The following UBR1 variants were observed in gnomAD, a reference collection of about 807,000 sequenced individuals.
UBR1 encodes ubiquitin protein ligase E3 component n-recognin 1, also known as E3 ubiquitin-protein ligase UBR1.
In UBR1, 102 loss-of-function variants were observed where a neutral mutation model predicts 242.1. The ratio of observed to expected loss-of-function variants is 0.42; its 90% CI spans 0.36 to 0.50. The LOEUF (loss-of-function observed/expected upper bound fraction) is 0.50, where lower values mean the gene tolerates loss of function less well. UBR1 is among the 20% of genes least tolerant of loss of function. The pLI is 0.01. For missense variants in UBR1, 1,772 were observed against 2,101.8 expected, an observed-to-expected ratio of 0.84 and a Z score of 3.07; for synonymous variants, 675 against 684.8, an observed-to-expected ratio of 0.99 and a Z score of 0.22.
intron 30 of UBR1, among the ~76,000 whole-genome samples, chr15:43,004,484 T>G (rs370692534): frequency 3.9e-5 from 6 of 152,202 alleles, no homozygotes; most frequent in Admixed American, 3.3e-4. Flanking sequence ...CCCTGCCTGA[T>G]TCTCCTGCCT....
Position 43,087,242 on chromosome 15 carries a change from A to G in UBR1, c.82-1002T>C, listed in dbSNP as rs537633839. Among the ~76,000 whole-genome samples, 24 of 152,146 alleles carry G rather than the reference A, an allele frequency of 1.6e-4. No homozygotes were observed. The South Asian group carries it at 4.6e-3, about 29-fold the overall frequency. ...AACACAGTGAAACCCCGCCTCTACTAAAAATACAAAAAATTAGCCAGGCGT... is the reference window on the plus strand; with the variant it reads ...AACACAGTGAAACCCCGCCTCTACTGAAAATACAAAAAATTAGCCAGGCGT... On this transcript the variant is annotated intron_variant, in intron 1 of 46. Coordinates refer to ENST00000290650, the MANE Select transcript of UBR1 (RefSeq NM_174916.3).
At chr15:42,980,589 TATCCATCCATCCATCCATCC>T (rs111388433) in intron 37 of UBR1, among the ~76,000 whole-genome samples, 1 of 151,492 alleles carries the variant, frequency 6.6e-6, no homozygotes, top group Non-Finnish European at 1.5e-5. Flanking sequence ...CCTATCTATC[TATCCATCCATCCATCCATCC>T]ATCCATCCAT....
chr15:42,964,073 G>A (rs1308393508), intron 41 of UBR1, 30 bp from the exon 42 acceptor site: 1 of 1,447,802 alleles, frequency 6.9e-7, no homozygotes, highest in Admixed American at 1.7e-5. Context: ...CATTTAATAA[G>A]CACATTATTC....
rs768691069 is a variant in UBR1, at chr15:43,086,133, C to T, written c.189G>A (p.Glu63=). The T allele has an allele frequency of 8.1e-6, 13 of 1,613,954 alleles. No homozygotes were observed. The highest frequency in any genetic ancestry group is 1.1e-5 in the Non-Finnish European group (13 of 1,179,990). ...TGAATATTGACATTTGTACACTTTCCTCCTGCTTTTCCAAGTCTGGGTCCA... is the reference window on the plus strand; with the variant it reads ...TGAATATTGACATTTGTACACTTTCTTCCTGCTTTTCCAAGTCTGGGTCCA... ...AEMDPDLEKQ[E]ESVQMSIFTP... is the part of the protein sequence containing the mutation. Residue 63 remains glutamate, a synonymous_variant, in exon 2 of 47, where the codon GAG becomes GAA. Coordinates refer to ENST00000290650, the MANE Select transcript of UBR1 (RefSeq NM_174916.3).
In UBR1 at chr15:43,087,001, A is replaced by G. The variant is rs559637350; in HGVS notation, c.82-761T>C. Among the ~76,000 whole-genome samples the G allele has an allele frequency of 2.6e-4, 40 of 152,290 alleles. No individual in the cohort carries two copies. The South Asian group carries it at 7.9e-3, about 30-fold the overall frequency. On this transcript the variant is annotated intron_variant, in intron 1 of 46. Coordinates refer to ENST00000290650, the MANE Select transcript of UBR1 (RefSeq NM_174916.3). ...TTCAGCCTCGACAACACATAGGGAG[A>G]CCCTGTCTCTTAAAAAACAAACAAA... is the stretch of plus-strand genomic sequence containing the variant.
Position 43,048,501 on chromosome 15 carries a change from CAAGA to C in UBR1, c.1440-14_1440-11del, listed in dbSNP as rs770343807. The C allele has an allele frequency of 1.9e-5, 31 of 1,591,142 alleles. No homozygotes were observed. The highest frequency in any genetic ancestry group is 2.5e-5 in the Non-Finnish European group (29 of 1,160,132). ...GCTGATCAGGATATACCTATCGTTT[CAAGA>C]AAGAAAGAAATATTTCATTTATCTA... On this transcript the variant is annotated splice_polypyrimidine_tract_variant and intron_variant, in intron 12 of 46. Coordinates refer to ENST00000290650, the MANE Select transcript of UBR1 (RefSeq NM_174916.3).
intron 46 of UBR1, among the ~76,000 whole-genome samples, 159 bp from the exon 47 acceptor site, chr15:42,945,629 C>T (rs1359477959): frequency 2.1e-4 from 31 of 145,032 alleles, no homozygotes; most frequent in Non-Finnish European, 3.1e-5. Context: ...CCATTGATCA[C>T]TAAGAACTTG....
chr15:43,060,246 G>A (rs895956218), intron 6 of UBR1, 132 bp from the exon 7 acceptor site: 10 of 857,352 alleles, frequency 1.2e-5, no homozygotes, highest in Admixed American at 5.3e-5. Context: ...GTAAGATACC[G>A]GAACAATATC....
chr15:43,037,670 A>G, intron 17 of UBR1, 103 bp downstream of exon 17: 3 of 932,912 alleles, frequency 3.2e-6, no homozygotes, highest in South Asian at 2.8e-5. Flanking sequence ...GAGAATAGTA[A>G]CATACACTCA....
intron 29 of UBR1, among the ~76,000 whole-genome samples, chr15:43,014,246 C>G (rs1291025781): frequency 2.0e-5 from 3 of 152,246 alleles, no homozygotes; most frequent in Non-Finnish European, 4.4e-5. Context: ...CTCCACCTCC[C>G]AGCCGCCTGC....
In UBR1 at chr15:43,070,851, G is replaced by A. The variant is rs372941665; in HGVS notation, c.603C>T (p.Val201=). The change falls in exon 5 of 47, where the codon GTC becomes GTT. Residue 201 remains valine (V), a synonymous_variant. Transcript: ENST00000290650. ...RKIFPSVIKY[V]VEMTIWEEEK... ...CCTCTTCCCATATAGTCATTTCTAC[G>A]ACATATTTTATCACTGAAGGAAATA... is the stretch of plus-strand genomic sequence containing the variant. 20 of 1,613,414 alleles carry A rather than the reference G, an allele frequency of 1.2e-5. No individual in the cohort carries two copies. The highest frequency in any genetic ancestry group is 4.0e-5 in the African/African-American group (3 of 74,826).
chr15:43,059,963 C>T (rs778103847), intron 7 of UBR1, 89 bp downstream of exon 7: 41 of 1,557,170 alleles, frequency 2.6e-5, no homozygotes, highest in Middle Eastern at 1.7e-4. Context: ...ACCACTTCAA[C>T]GACATCATCA....
At chr15:43,022,498 G>T (rs939284873) in intron 26 of UBR1, among the ~76,000 whole-genome samples, 4 of 151,540 alleles carry the variant, frequency 2.6e-5, no homozygotes, top group Admixed American at 2.6e-4. Context: ...TATAGTAAGG[G>T]ATTAAAAAAT....
intron 36 of UBR1, among the ~76,000 whole-genome samples, chr15:42,984,537 A>G (rs2032430581): frequency 6.6e-6 from 1 of 152,250 alleles, no homozygotes; most frequent in Non-Finnish European, 1.5e-5. Flanking sequence ...TGATTCATCC[A>G]GAGCTAAGCC....
chr15:43,058,343 T>C lies in UBR1; in HGVS notation c.1180A>G (p.Lys394Glu), dbSNP rs768046369. Residue 394 changes from lysine (K) to glutamate (E), a missense_variant and splice_region_variant, in exon 10 of 47, where the codon AAG (lysine) becomes GAG (glutamate). Transcript: ENST00000290650. ...YKKLFAMEFV[K>E]YYKQLQKEYI... ...ATATCTAATTTATAAATAATTACCTTCACAAATTCCATAGCAAAGAGTTTT... is the reference window on the plus strand; with the variant it reads ...ATATCTAATTTATAAATAATTACCTCCACAAATTCCATAGCAAAGAGTTTT... 1.3e-6 allele frequency: 2 copies of C among 1,591,808 alleles called. No individual in the cohort carries two copies. Among genetic ancestry groups the C allele is most frequent in the African/African-American group, 2.7e-5 (2 of 74,408 alleles).
At chr15:43,098,155 C>T (rs532374751) in intron 1 of UBR1, among the ~76,000 whole-genome samples, 9 of 152,178 alleles carry the variant, frequency 5.9e-5, no homozygotes, top group South Asian at 2.1e-4. Flanking sequence ...CCCAAGGAGA[C>T]GGAGAGAGAT....
chr15:43,101,916 C>T (rs537121146), intron 1 of UBR1, among the ~76,000 whole-genome samples: 2 of 137,024 alleles, frequency 1.5e-5, no homozygotes, highest in Non-Finnish European at 3.0e-5. Context: ...TTCAGTGAGC[C>T]GAGATCTCGC....
At position 42,998,183 on chromosome 15, in the gene UBR1, T is replaced by C; in HGVS notation, c.3742A>G (p.Ile1248Val). Reference protein sequence around the residue: ...TVLARISGYNIRHAKGENPIP... With the variant: ...TVLARISGYNVRHAKGENPIP... ...TTAAGCAAACCTTTAGCATGTCTTA[T>C]ATTATAACCTGATATTCTGGCCAGA... The change falls in exon 33 of 47, where the codon ATA (isoleucine) becomes GTA (valine). Residue 1248 changes from isoleucine (I) to valine (V), a missense_variant. By Grantham distance (29) the Ile-to-Val change is conservative. Transcript: ENST00000290650. 1 of 1,613,684 alleles carries C rather than the reference T, an allele frequency of 6.2e-7. No individual in the cohort carries two copies. Among genetic ancestry groups the C allele is most frequent in the Non-Finnish European group, 8.5e-7 (1 of 1,179,744 alleles).
intron 11 of UBR1, 151 bp from the exon 12 acceptor site, chr15:43,055,050 C>A: frequency 1.0e-6 from 1 of 953,914 alleles, no homozygotes; most frequent in Middle Eastern, 3.3e-4. Context: ...TGAATAGCAA[C>A]TACTAAGAAG....
Sources: gnomAD v4.1 joint callset for allele counts (sites outside exome capture counted in the v4.1 genomes callset) on GRCh38, gnomAD v4.1.1 for gene constraint, MANE v1.5 for transcripts, NCBI Gene and HGNC (gene_info 2026-07-23, HGNC 2026-07-21) for gene names.